Variants in CRTAC1 observed in about 807,000 individuals in gnomAD.
CRTAC1 encodes the protein cartilage acidic protein 1.
A neutral mutation model predicts 67.8 loss-of-function variants in CRTAC1; 37 were observed. The ratio of observed to expected loss-of-function variants is 0.55; its 90% CI spans 0.42 to 0.72. The LOEUF is 0.72. Among genes scored for constraint, CRTAC1 ranks in the 30% least tolerant of loss-of-function variants. The pLI is 0.00. For missense variants in CRTAC1, 780 were observed against 931.6 expected (o/e 0.84, Z 2.12); for synonymous variants, 348 against 371.0 (o/e 0.94, Z 0.71).
At chr10:97,935,858 GGA>G (rs1164558784) in intron 3 of CRTAC1, among the ~76,000 whole-genome samples, 1 of 152,180 alleles carries the variant, frequency 6.6e-6, no homozygotes, top group African/African-American at 2.4e-5. Context: ...GGGCTGGAGA[GGA>G]GAGGAGGGGT....
intron 2 of CRTAC1, among the ~76,000 whole-genome samples, chr10:97,977,555 A>G (rs955700898): frequency 6.6e-6 from 1 of 151,382 alleles, no homozygotes; most frequent in African/African-American, 2.4e-5. Context: ...GTCTATGCTG[A>G]TTTTTTTTTC....
chr10:97,952,768 C>T (rs545533070), intron 2 of CRTAC1, among the ~76,000 whole-genome samples: 3 of 152,272 alleles, frequency 2.0e-5, no homozygotes, highest in South Asian at 4.1e-4. Context: ...AAGACTTGCA[C>T]AAATCTTGTC....
chr10:97,891,767 A>G (rs2050378421), intron 11 of CRTAC1, among the ~76,000 whole-genome samples: 1 of 151,992 alleles, frequency 6.6e-6, no homozygotes, highest in East Asian at 1.9e-4. Context: ...TGGCTCCCCC[A>G]TCGGTCAGGA....
chr10:97,994,071 G>A (rs570087105), intron 2 of CRTAC1, among the ~76,000 whole-genome samples: 1 of 152,064 alleles, frequency 6.6e-6, no homozygotes, highest in African/African-American at 2.4e-5. Flanking sequence ...TGGCCAGGCT[G>A]GTCTTGAAGT....
intron 2 of CRTAC1, among the ~76,000 whole-genome samples, chr10:97,971,583 G>A (rs1224934884): frequency 1.3e-5 from 2 of 152,230 alleles, no homozygotes; most frequent in African/African-American, 2.4e-5. Flanking sequence ...GACAGATGGT[G>A]ATGATGGTTG....
chr10:97,876,943 CTGTT>C (rs1287913796), intron 14 of CRTAC1, among the ~76,000 whole-genome samples: 3 of 96,088 alleles, frequency 3.1e-5, no homozygotes, highest in East Asian at 6.8e-4. Context: ...TGAGGAGGCT[CTGTT>C]TTTTTTTTTT....
intron 14 of CRTAC1, among the ~76,000 whole-genome samples, chr10:97,872,558 T>C (rs1190733552): frequency 6.6e-6 from 1 of 152,242 alleles, no homozygotes; most frequent in East Asian, 1.9e-4. Context: ...TGCTGAATTC[T>C]TTACCTGAGA....
rs1220691328 is a variant in CRTAC1 at position 97,915,670 on chromosome 10, T to C, written c.715+1830A>G. The stretch of plus-strand genomic sequence containing the variant: ...GGCTAGTTTTCCAGCCAGACGTCCA[T>C]GTGTCATTAGCTGAGTGACAAGGGG... On this transcript the variant is annotated intron_variant, in intron 5 of 14. Coordinates refer to ENST00000370597, the MANE Select transcript of CRTAC1 (RefSeq NM_018058.7). Among the ~76,000 whole-genome samples, 10 of 150,302 alleles carry C rather than the reference T, an allele frequency of 6.7e-5. No homozygotes were observed. In the East Asian group the frequency reaches 1.8e-3, roughly 27 times the overall value.
intron 5 of CRTAC1, among the ~76,000 whole-genome samples, chr10:97,912,708 G>A (rs1257157743): frequency 1.3e-5 from 2 of 152,152 alleles, no homozygotes; most frequent in African/African-American, 4.8e-5. Flanking sequence ...AAGGATTCGT[G>A]GTGCTAAGGT....
At chr10:97,916,615 C>T (rs1393234092) in intron 5 of CRTAC1, among the ~76,000 whole-genome samples, 3 of 152,180 alleles carry the variant, frequency 2.0e-5, no homozygotes, top group Non-Finnish European at 4.4e-5. Context: ...AGGATTCAGA[C>T]TGAGGGAGGC....
chr10:97,884,902 G>T (rs1178995067), intron 11 of CRTAC1, among the ~76,000 whole-genome samples: 1 of 152,168 alleles, frequency 6.6e-6, no homozygotes, highest in Non-Finnish European at 1.5e-5. Flanking sequence ...GGGAGACCTG[G>T]GGACAAATCC....
chr10:97,932,997 G>A (rs1190229717), intron 3 of CRTAC1, among the ~76,000 whole-genome samples: 1 of 152,238 alleles, frequency 6.6e-6, no homozygotes, highest in East Asian at 1.9e-4. Flanking sequence ...GCTGGCCAAG[G>A]GAGGAGAGTG....
intron 2 of CRTAC1, among the ~76,000 whole-genome samples, chr10:97,951,743 T>C (rs1414692084): frequency 6.6e-6 from 1 of 152,192 alleles, no homozygotes; most frequent in Admixed American, 6.5e-5. Flanking sequence ...CATTTTATGG[T>C]TTGAATCATT....
At chr10:98,003,232 A>C (rs985329700) in intron 2 of CRTAC1, among the ~76,000 whole-genome samples, 1 of 152,220 alleles carries the variant, frequency 6.6e-6, no homozygotes, top group South Asian at 2.1e-4. Flanking sequence ...GAAAAATGAC[A>C]CCAAGCATTC....
At chr10:98,002,933 C>T (rs908455552) in intron 2 of CRTAC1, among the ~76,000 whole-genome samples, 4 of 150,942 alleles carry the variant, frequency 2.7e-5, no homozygotes, top group Non-Finnish European at 5.9e-5. Flanking sequence ...CGCCCGCCAC[C>T]ACACCCAGCT....
At chr10:97,925,415 T>TC (rs1446604947) in intron 3 of CRTAC1, among the ~76,000 whole-genome samples, 1 of 151,604 alleles carries the variant, frequency 6.6e-6, no homozygotes, top group Non-Finnish European at 1.5e-5. Flanking sequence ...TGAGGGTGTG[T>TC]GGTGAGTACA....
chr10:97,970,749 A>C (rs535708337), intron 2 of CRTAC1, among the ~76,000 whole-genome samples: 33 of 152,358 alleles, frequency 2.2e-4, no homozygotes, highest in African/African-American at 7.7e-4. Context: ...GGTAAACTCC[A>C]TGAGGGCAGG....
At chr10:97,894,092 G>A (rs765331123) in intron 11 of CRTAC1, among the ~76,000 whole-genome samples, 10 of 152,330 alleles carry the variant, frequency 6.6e-5, no homozygotes, top group South Asian at 4.1e-4. Flanking sequence ...GTTTTCATTC[G>A]TGTGAGATAA....
At chr10:97,997,265 T>TAATA (rs1554933140) in intron 2 of CRTAC1, among the ~76,000 whole-genome samples, 6 of 130,742 alleles carry the variant, frequency 4.6e-5, no homozygotes, top group South Asian at 4.8e-4. Context: ...ATAATAATAA[T>TAATA]AATAAATAAA....
Sources: gnomAD v4.1 joint callset for allele counts (sites outside exome capture counted in the v4.1 genomes callset) on GRCh38, gnomAD v4.1.1 for gene constraint, MANE v1.5 for transcripts, NCBI Gene and HGNC (gene_info 2026-07-23, HGNC 2026-07-21) for gene names.